Variants in NOL11 observed in about 807,000 individuals in gnomAD.
NOL11 encodes nucleolar protein 11.
Under a neutral mutation model 93.0 loss-of-function variants are expected in NOL11, and 42 were observed. That is an observed-to-expected ratio of 0.45 (90% CI 0.35 to 0.58). NOL11 has a LOEUF of 0.58. Ranked by LOEUF, NOL11 falls within the 20% of genes least tolerant of loss-of-function variation. The pLI, the probability that NOL11 is intolerant of heterozygous loss-of-function variation, is 0.00. For missense variants in NOL11, 775 were observed against 841.8 expected, an observed-to-expected ratio of 0.92 and a Z score of 0.98; for synonymous variants, 296 against 293.7, an observed-to-expected ratio of 1.01 and a Z score of -0.08.
chr17:67,723,981 G>A, intron 5 of NOL11, 68 bp from the exon 6 acceptor site: 1 of 1,136,758 alleles, frequency 8.8e-7, no homozygotes, highest in East Asian at 2.4e-5. Flanking sequence ...ACAACTTCTG[G>A]TTTTAACATA....
intron 16 of NOL11, among the ~76,000 whole-genome samples, chr17:67,742,094 G>A (rs1321219824): frequency 3.3e-5 from 5 of 152,198 alleles, no homozygotes; most frequent in African/African-American, 9.7e-5. Context: ...TCCCACAAGA[G>A]AAATTATTGG....
chr17:67,718,012 T>C lies in NOL11; in HGVS notation c.65T>C (p.Leu22Pro), dbSNP rs766667345. ...GTCCTGAGCGCCGGGCCTGAAGGACTCCTAGGCGTGGAGCAGAGCGACAAA... is the reference window on the plus strand; with the variant it reads ...GTCCTGAGCGCCGGGCCTGAAGGACCCCTAGGCGTGGAGCAGAGCGACAAA... Reference protein sequence around the residue: ...SVVLSAGPEGLLGVEQSDKTD... With the variant: ...SVVLSAGPEGPLGVEQSDKTD... The change falls in exon 1 of 18, where the codon CTC becomes CCC. Residue 22 changes from leucine to proline, a missense_variant. Leu to Pro is a moderately conservative substitution (Grantham distance 98, BLOSUM62 -3). Transcript: ENST00000253247. 1.1e-4 allele frequency: 177 copies of C among 1,614,090 alleles called. No homozygotes were observed. The highest frequency in any genetic ancestry group is 1.3e-4 in the Non-Finnish European group (150 of 1,180,036).
rs2055274117 is a variant in NOL11, at chr17:67,743,527, G to A, written c.1984G>A (p.Val662Ile). Residue 662 changes from valine to isoleucine, a missense_variant, in exon 17 of 18, where the codon GTA (valine) becomes ATA (isoleucine). Val to Ile is a conservative substitution (Grantham distance 29, BLOSUM62 3). Around this residue, in one of 2 missense-constraint regions of NOL11, gnomAD observed 416 missense variants for 525.2 expected, o/e 0.79. Coordinates refer to ENST00000253247, the MANE Select transcript of NOL11 (RefSeq NM_015462.5). Reference sequence around the variant, plus strand: ...TCTGGATGCAAATTTTACTGTTGTTGTAATGATGCCAGAAGCAAAGAGGCT... The same window carrying A: ...TCTGGATGCAAATTTTACTGTTGTTATAATGATGCCAGAAGCAAAGAGGCT... ...LLLDANFTVV[V>I]MMPEAKRLLI... 1 of 1,604,894 alleles carries A rather than the reference G, an allele frequency of 6.2e-7. No homozygotes were observed. The highest frequency in any genetic ancestry group is 8.5e-7 in the Non-Finnish European group (1 of 1,173,780).
chr17:67,735,915 G>A lies in NOL11; in HGVS notation c.946G>A (p.Glu316Lys), dbSNP rs2055197647. 8.7e-6 allele frequency: 14 copies of A among 1,609,452 alleles called. No individual in the cohort carries two copies. Among genetic ancestry groups the A allele is most frequent in the Non-Finnish European group, 1.2e-5 (14 of 1,178,246 alleles). Residue 316 changes from glutamate (E) to lysine (K), a missense_variant, in exon 9 of 18, where the codon GAA (glutamate) becomes AAA (lysine). Transcript: ENST00000253247. ...TTTTTTGTAGCTCTGGTATTATGGA[G>A]AACATTTGTTTATGCTACATGGAAA... ...GTSGQLWYYG[E>K]HLFMLHGKSL... is the part of the protein sequence containing the mutation.
At position 67,743,610 on chromosome 17, in the gene NOL11, T is replaced by C. The variant is rs1366704509; in HGVS notation, c.2043+24T>C. On this transcript the variant is annotated intron_variant, in intron 17 of 17. Transcript: ENST00000253247. The stretch of plus-strand genomic sequence containing the variant: ...AGGTTTGTGATTATTTGATATATAC[T>C]GATTTTATTTGTACCCAAGTATCAC... 4.3e-6 allele frequency: 6 copies of C among 1,391,314 alleles called. No individual in the cohort carries two copies. The South Asian group carries it at 7.3e-5, about 17-fold the overall frequency. The allele number at this position is 1,391,314 out of a possible 1,614,324, so 86.2% of individuals were successfully genotyped here.
rs375576112 is a variant in NOL11, at chr17:67,743,812, A to G, written c.2113A>G (p.Lys705Glu). ...GGAGCTACAGAAATTAAATCAAGAA[A>G]AGAATAATAGAGGATTATATTCAAT... Reference protein sequence around the residue: ...FRELQKLNQEKNNRGLYSIEV... With the variant: ...FRELQKLNQEENNRGLYSIEV... The change falls in exon 18 of 18, where the codon AAG becomes GAG. Residue 705 changes from lysine (K) to glutamate (E), a missense_variant. Transcript: ENST00000253247. The G allele has an allele frequency of 1.1e-5, 17 of 1,552,094 alleles. No individual in the cohort carries two copies. The African/African-American group carries it at 2.4e-4, about 22-fold the overall frequency.
At chr17:67,738,436 A>C (rs1273027904) in intron 14 of NOL11, 81 bp downstream of exon 14, 8 of 863,894 alleles carry the variant, frequency 9.3e-6, no homozygotes, top group South Asian at 1.7e-5. Flanking sequence ...GGAGTAACTC[A>C]ATAATTTAAG....
intron 7 of NOL11, among the ~76,000 whole-genome samples, chr17:67,729,585 T>G (rs750165337): frequency 1.1e-4 from 15 of 138,158 alleles, no homozygotes; most frequent in Admixed American, 2.8e-4. Flanking sequence ...CATACAATAC[T>G]TTTTTTTTTT....
chr17:67,743,485 G>A lies in NOL11; in HGVS notation c.1942G>A (p.Asp648Asn). ...TTTTCCTATTCATCTTCAGATTATG[G>A]ATTGGATATGTCTACTTCTGGATGC... ...IHPPTLNQIM[D>N]WICLLLDANF... Residue 648 changes from aspartate to asparagine, a missense_variant, in exon 17 of 18, where the codon GAT becomes AAT. Transcript: ENST00000253247. 2.1e-6 allele frequency: 3 copies of A among 1,453,844 alleles called. No individual in the cohort carries two copies. The highest frequency in any genetic ancestry group is 2.9e-6 in the Non-Finnish European group (3 of 1,045,302). The allele number at this position is 1,453,844 out of a possible 1,614,324, so 90.1% of individuals were successfully genotyped here.
intron 7 of NOL11, among the ~76,000 whole-genome samples, chr17:67,732,808 A>G (rs1175421304): frequency 6.6e-6 from 1 of 151,498 alleles, no homozygotes; most frequent in Non-Finnish European, 1.5e-5. Context: ...TCCTGAGCTC[A>G]GGCAATATGT....
chr17:67,722,459 T>C (rs2143082737), intron 4 of NOL11, 121 bp from the exon 5 acceptor site: 1 of 1,420,390 alleles, frequency 7.0e-7, no homozygotes, highest in East Asian at 2.7e-5. Context: ...TTAAGTGTTC[T>C]CTGATGTCTT....
chr17:67,722,839 G>A (rs1173657144), intron 5 of NOL11, among the ~76,000 whole-genome samples: 1 of 152,000 alleles, frequency 6.6e-6, no homozygotes, highest in Non-Finnish European at 1.5e-5. Flanking sequence ...CTACAGGCAT[G>A]CACTACCATC....
chr17:67,725,839 G>A (rs976937257), intron 6 of NOL11, among the ~76,000 whole-genome samples: 1 of 152,150 alleles, frequency 6.6e-6, no homozygotes, highest in Non-Finnish European at 1.5e-5. Flanking sequence ...CGGTACTTTG[G>A]GAGACCAAGG....
intron 10 of NOL11, 105 bp downstream of exon 10, chr17:67,736,859 CTA>C: frequency 1.1e-6 from 1 of 890,034 alleles, no homozygotes; most frequent in Non-Finnish European, 1.8e-6. Flanking sequence ...AGAGCTTTGA[CTA>C]TAATGACAGG....
At chr17:67,718,904 A>G (rs921657992) in intron 1 of NOL11, among the ~76,000 whole-genome samples, 4 of 152,246 alleles carry the variant, frequency 2.6e-5, no homozygotes, top group Admixed American at 6.5e-5. Context: ...CAGCTCCTGC[A>G]TAGGAATACA....
chr17:67,739,758 A>G lies in NOL11; in HGVS notation c.1935+150A>G, dbSNP rs933836430. On this transcript the variant is annotated intron_variant, in intron 16 of 17. Coordinates refer to ENST00000253247, the MANE Select transcript of NOL11 (RefSeq NM_015462.5). ...CATAAAACCAAACCACTGCAGCTAG[A>G]AATGGGGAGTCTCTCATTTAGTAGA... 33 of 587,418 alleles carry G rather than the reference A, an allele frequency of 5.6e-5. 1 individual carries two copies. The highest frequency in any genetic ancestry group is 3.4e-4 in the Admixed American group (9 of 26,636). The allele number at this position is 587,418 out of a possible 1,614,324, so 36.4% of individuals were successfully genotyped here. A position where few individuals can be genotyped will look rare whatever the true frequency, so the allele number is the denominator to read the frequency against.
At chr17:67,738,883 A>AAT in intron 14 of NOL11, 49 bp from the exon 15 acceptor site, 1 of 1,228,914 alleles carries the variant, frequency 8.1e-7, no homozygotes, top group Non-Finnish European at 1.2e-6. Flanking sequence ...TCATAAGTTC[A>AAT]ATAGAATAGC....
intron 7 of NOL11, among the ~76,000 whole-genome samples, chr17:67,729,683 A>G (rs1009252213): frequency 1.3e-4 from 19 of 151,642 alleles, no homozygotes; most frequent in African/African-American, 4.1e-4. Flanking sequence ...GGTTCATGCC[A>G]TTCCCCTGAC....
chr17:67,722,546 C>T, intron 4 of NOL11, 34 bp from the exon 5 acceptor site: 2 of 1,554,382 alleles, frequency 1.3e-6, no homozygotes, highest in Non-Finnish European at 8.6e-7. Flanking sequence ...GTGATTTTTG[C>T]ATCCTATAAT....
Sources: allele counts gnomAD v4.1 joint callset (sites outside exome capture counted in the v4.1 genomes callset), GRCh38; gene constraint gnomAD v4.1.1; regional missense constraint gnomAD v4.1.1; transcripts MANE v1.5; gene names NCBI Gene and HGNC (gene_info 2026-07-23, HGNC 2026-07-21).